The following SENP7 variants were observed in gnomAD, a reference collection of about 807,000 sequenced individuals.
SENP7 encodes the protein SUMO specific peptidase 7, also known as sentrin-specific protease 7.
SENP7 carries 64 observed loss-of-function variants against 141.2 expected under a neutral mutation model. That is an observed-to-expected ratio of 0.45 (90% CI 0.37 to 0.56). SENP7 has a LOEUF of 0.56. Ranked by LOEUF, SENP7 falls within the 20% of genes least tolerant of loss-of-function variation. The probability of loss-of-function intolerance (pLI) is 0.00; values close to 1 mark genes in which losing one functional copy is unlikely to be tolerated. For missense variants in SENP7, 1,025 were observed against 1,212.2 expected, an observed-to-expected ratio of 0.85 and a Z score of 2.29; for synonymous variants, 382 against 426.4, an observed-to-expected ratio of 0.90 and a Z score of 1.28.
intron 13 of SENP7, among the ~76,000 whole-genome samples, chr3:101,344,782 A>T (rs2059412144): frequency 6.6e-6 from 1 of 152,116 alleles, no homozygotes; most frequent in Non-Finnish European, 1.5e-5. Flanking sequence ...AAAGACTTCT[A>T]TATTTTATTT....
chr3:101,339,619 G>A (rs1201590473), intron 16 of SENP7, among the ~76,000 whole-genome samples: 1 of 152,044 alleles, frequency 6.6e-6, no homozygotes, highest in Non-Finnish European at 1.5e-5. Flanking sequence ...TCAGGAGGCT[G>A]AGGCAGGAAA....
At chr3:101,376,068 A>C (rs984762091) in intron 6 of SENP7, among the ~76,000 whole-genome samples, 2 of 152,230 alleles carry the variant, frequency 1.3e-5, no homozygotes, top group Admixed American at 6.5e-5. Context: ...CTTTGAGGAC[A>C]TTATGCTAAG....
At chr3:101,375,327 G>A (rs1438176591) in intron 6 of SENP7, among the ~76,000 whole-genome samples, 2 of 151,934 alleles carry the variant, frequency 1.3e-5, no homozygotes, top group Admixed American at 1.3e-4. Flanking sequence ...CGGATCACCT[G>A]AGGTCGAGAG....
Position 101,332,811 on chromosome 3 carries a change from G to A in SENP7, c.2532C>T (p.Asn844=), listed in dbSNP as rs755286849. 7.0e-6 allele frequency: 11 copies of A among 1,564,804 alleles called. 1 individual carries two copies. In the Middle Eastern group the frequency reaches 6.9e-4, roughly 98 times the overall value. The change falls in exon 18 of 24, where the codon AAC becomes AAT. Residue 844 remains asparagine (N), a synonymous_variant. Transcript: ENST00000394095. ...KRVRTWTRHI[N]IFNKDYIFVP... ...CAAAGATGTAATCTTTATTAAAAAT[G>A]TTTATGTGACGAGTCCATGTTCTTA...
At chr3:101,448,200 A>C (rs142668113) in intron 4 of SENP7, among the ~76,000 whole-genome samples, 1 of 152,234 alleles carries the variant, frequency 6.6e-6, no homozygotes, top group Non-Finnish European at 1.5e-5. Flanking sequence ...GGTTTCTTAG[A>C]TATGACACCA....
chr3:101,354,694 G>A (rs1387886171), intron 11 of SENP7, among the ~76,000 whole-genome samples: 1 of 151,998 alleles, frequency 6.6e-6, no homozygotes, highest in African/African-American at 2.4e-5. Flanking sequence ...GAATAGTGCT[G>A]CAATTCACAT....
intron 4 of SENP7, among the ~76,000 whole-genome samples, chr3:101,453,105 A>G (rs1288394941): frequency 1.3e-5 from 2 of 152,354 alleles, no homozygotes; most frequent in East Asian, 3.9e-4. Context: ...GCCAAAAGAC[A>G]CATGAAAAAA....
At chr3:101,397,851 T>G (rs994183034) in intron 6 of SENP7, among the ~76,000 whole-genome samples, 9 of 152,138 alleles carry the variant, frequency 5.9e-5, no homozygotes, top group African/African-American at 2.2e-4. Flanking sequence ...AAAGAGAAGC[T>G]TCAGAAGCTT....
At chr3:101,408,152 C>T (rs548152311) in intron 5 of SENP7, among the ~76,000 whole-genome samples, 2 of 152,130 alleles carry the variant, frequency 1.3e-5, no homozygotes, top group South Asian at 2.1e-4. Flanking sequence ...ACTATAAACA[C>T]CTTTATACTC....
intron 4 of SENP7, among the ~76,000 whole-genome samples, 157 bp downstream of exon 4, chr3:101,458,798 A>C (rs1001950161): frequency 6.6e-6 from 1 of 152,230 alleles, no homozygotes; most frequent in Non-Finnish European, 1.5e-5. Context: ...TTAAAATCAC[A>C]GAAAGTTAGA....
At chr3:101,487,319 G>A (rs142338804) in intron 3 of SENP7, among the ~76,000 whole-genome samples, 2,841 of 151,978 alleles carry the variant, frequency 0.019, 47 homozygotes, top group Non-Finnish European at 0.03. Context: ...TTTTAATAAG[G>A]TTATTGGTTT....
At chr3:101,383,180 G>A (rs1198610630) in intron 6 of SENP7, among the ~76,000 whole-genome samples, 3 of 152,176 alleles carry the variant, frequency 2.0e-5, no homozygotes. Context: ...TTCATGATAA[G>A]TGAGTGAGTT....
Position 101,469,628 on chromosome 3 carries a change from T to A in SENP7, c.187-10576A>T, listed in dbSNP as rs1422306797. Among the ~76,000 whole-genome samples, 17 of 112,656 alleles carry A rather than the reference T, an allele frequency of 1.5e-4. 5 individuals carry two copies. The highest frequency in any genetic ancestry group is 8.9e-4 in the Admixed American group (8 of 8,952). The allele number at this position is 112,656 out of a possible 152,430, so 73.9% of individuals were successfully genotyped here. A position where few individuals can be genotyped will look rare whatever the true frequency, so the allele number is the denominator to read the frequency against. On this transcript the variant is annotated intron_variant, in intron 3 of 23. Coordinates refer to ENST00000394095, the MANE Select transcript of SENP7 (RefSeq NM_020654.5). Reference sequence around the variant, plus strand: ...TCATGAGGTCAGGAGATCGAGACCATCCTGGCTAACAAGGTGAAACCCCGT... The same window carrying A: ...TCATGAGGTCAGGAGATCGAGACCAACCTGGCTAACAAGGTGAAACCCCGT...
At chr3:101,343,016 G>A (rs981761225) in intron 14 of SENP7, among the ~76,000 whole-genome samples, 13 of 152,074 alleles carry the variant, frequency 8.5e-5, no homozygotes, top group African/African-American at 3.1e-4. Context: ...AACAGGACTT[G>A]TCTCATTTTT....
intron 1 of SENP7, among the ~76,000 whole-genome samples, chr3:101,512,004 T>C (rs2065880532): frequency 6.6e-6 from 1 of 152,112 alleles, no homozygotes; most frequent in South Asian, 2.1e-4. Context: ...CATTTTTTAG[T>C]AGAGACGGGG....
intron 1 of SENP7, among the ~76,000 whole-genome samples, chr3:101,508,323 G>A (rs1390859380): frequency 1.3e-5 from 2 of 151,976 alleles, no homozygotes; most frequent in African/African-American, 2.4e-5. Flanking sequence ...GAGGCCAGGC[G>A]CAGTGGCTCA....
chr3:101,366,541 C>T lies in SENP7; in HGVS notation c.1207G>A (p.Val403Met). The change falls in exon 9 of 24, where the codon GTG (valine) becomes ATG (methionine). Residue 403 changes from valine to methionine, a missense_variant. This residue lies in a region of SENP7 where 496 missense variants were observed against 503.5 expected (regional missense o/e 0.99). Coordinates refer to ENST00000394095, the MANE Select transcript of SENP7 (RefSeq NM_020654.5). The part of the protein sequence containing the change: ...TVENSNSIDI[V>M]GISSLVEKDE... ...TTCTCAACCAGGGAAGAAATCCCCA[C>T]AATATCAATGGAATTAGAGTTCTCA... is the stretch of plus-strand genomic sequence containing the variant. 6.2e-7 allele frequency: 1 copy of T among 1,613,846 alleles called. No individual in the cohort carries two copies. Among genetic ancestry groups the T allele is most frequent in the Non-Finnish European group, 8.5e-7 (1 of 1,179,794 alleles).
At chr3:101,416,700 C>A (rs12486738) in intron 5 of SENP7, among the ~76,000 whole-genome samples, 8,779 of 152,176 alleles carry the variant, frequency 0.058, 588 homozygotes, top group East Asian at 0.22. Context: ...AAGAAGTATT[C>A]TCTTTAAAAA....
At chr3:101,357,134 G>A (rs551626864) in intron 11 of SENP7, among the ~76,000 whole-genome samples, 1 of 152,072 alleles carries the variant, frequency 6.6e-6, no homozygotes, top group East Asian at 1.9e-4. Context: ...CCAAGTAGGT[G>A]GGACAACAGG....
Sources: gnomAD v4.1 joint callset for allele counts (sites outside exome capture counted in the v4.1 genomes callset) on GRCh38, gnomAD v4.1.1 for gene constraint, gnomAD v4.1.1 regional missense constraint, MANE v1.5 for transcripts, NCBI Gene and HGNC (gene_info 2026-07-23, HGNC 2026-07-21) for gene names.